EXT1: variants seen among roughly 807,000 people sequenced by gnomAD.
EXT1 encodes the protein exostosin glycosyltransferase 1, also known as exostosin-1.
A neutral mutation model predicts 82.5 loss-of-function variants in EXT1; 20 were observed. The ratio of observed to expected loss-of-function variants is 0.24; its 90% CI spans 0.17 to 0.35. EXT1 has a LOEUF of 0.35. Ranked by LOEUF, EXT1 falls within the 10% of genes least tolerant of loss-of-function variation. The pLI, the probability that EXT1 is intolerant of heterozygous loss-of-function variation, is 1.00. For missense variants in EXT1, 757 were observed against 936.5 expected, an observed-to-expected ratio of 0.81 and a Z score of 2.50; for synonymous variants, 348 against 350.8, an observed-to-expected ratio of 0.99 and a Z score of 0.09.
chr8:118,002,707 T>C lies in EXT1; in HGVS notation c.962+107378A>G, dbSNP rs564398007. Among the ~76,000 whole-genome samples the C allele has an allele frequency of 5.1e-4, 77 of 151,996 alleles. 2 individuals are homozygous for C. In the South Asian group the frequency reaches 0.015, roughly 30 times the overall value. ...CCACCACGCCCCCCTAATTTTTTTG[T>C]ATTTTTAGTAGAGACGGGGTTTCAC... On this transcript the variant is annotated intron_variant, in intron 1 of 10. Transcript: ENST00000378204.
chr8:118,110,016 T>A, intron 1 of EXT1, 69 bp downstream of exon 1: 2 of 1,611,236 alleles, frequency 1.2e-6, no homozygotes, highest in Non-Finnish European at 1.7e-6. Flanking sequence ...ATCCCCCAAC[T>A]TCACACCTGG....
intron 4 of EXT1, among the ~76,000 whole-genome samples, chr8:117,824,037 T>C (rs113964898): frequency 2.2e-4 from 33 of 152,342 alleles, no homozygotes; most frequent in South Asian, 2.1e-3. Flanking sequence ...TCCTGCTTTT[T>C]ATTATTTGTA....
intron 7 of EXT1, among the ~76,000 whole-genome samples, chr8:117,816,645 C>A (rs781308807): frequency 6.6e-6 from 1 of 151,932 alleles, no homozygotes; most frequent in Non-Finnish European, 1.5e-5. Flanking sequence ...ATAAAGCCCA[C>A]GAGAAAGGTA....
intron 1 of EXT1, among the ~76,000 whole-genome samples, chr8:118,094,423 A>G (rs1817573436): frequency 6.6e-6 from 1 of 152,240 alleles, no homozygotes; most frequent in Non-Finnish European, 1.5e-5. Flanking sequence ...AATGAGCTGT[A>G]AACAGGTCAA....
At chr8:117,829,499 G>A (rs1160070059) in intron 4 of EXT1, among the ~76,000 whole-genome samples, 1 of 151,248 alleles carries the variant, frequency 6.6e-6, no homozygotes, top group Admixed American at 6.6e-5. Context: ...GGACTGTGGT[G>A]CCCAGAAAAC....
At chr8:117,877,877 G>A (rs774925770) in intron 1 of EXT1, among the ~76,000 whole-genome samples, 1 of 152,078 alleles carries the variant, frequency 6.6e-6, no homozygotes, top group Admixed American at 6.5e-5. Context: ...CTAAAATTAC[G>A]CAAAGACTAC....
At chr8:117,991,556 T>C (rs530854340) in intron 1 of EXT1, among the ~76,000 whole-genome samples, 1 of 152,204 alleles carries the variant, frequency 6.6e-6, no homozygotes, top group Non-Finnish European at 1.5e-5. Context: ...TTATTTTCCT[T>C]TTTTTATTTT....
chr8:117,991,105 C>T lies in EXT1; in HGVS notation c.962+118980G>A, dbSNP rs1160379131. 4.7e-5 allele frequency among the ~76,000 whole-genome samples: 7 copies of T among 150,526 alleles called. No individual in the cohort carries two copies. In the East Asian group the frequency reaches 9.7e-4, roughly 21 times the overall value. On this transcript the variant is annotated intron_variant, in intron 1 of 10. Coordinates refer to ENST00000378204, the MANE Select transcript of EXT1 (RefSeq NM_000127.3). ...GTTTCAAACTCAGTTCTCCAGACTT[C>T]GATGTCTTTTTTTTTTTTTTAGATG...
intron 7 of EXT1, among the ~76,000 whole-genome samples, chr8:117,813,869 G>A (rs949880511): frequency 6.6e-6 from 1 of 152,020 alleles, no homozygotes; most frequent in Non-Finnish European, 1.5e-5. Context: ...AGCCAGGTGT[G>A]GTGGTGCATG....
chr8:118,000,091 A>G (rs1006434170), intron 1 of EXT1, among the ~76,000 whole-genome samples: 1 of 152,150 alleles, frequency 6.6e-6, no homozygotes, highest in Non-Finnish European at 1.5e-5. Context: ...ATCCAAGCCC[A>G]TGCGAGGTAA....
intron 1 of EXT1, among the ~76,000 whole-genome samples, chr8:118,014,731 G>A (rs959654595): frequency 6.6e-6 from 1 of 152,072 alleles, no homozygotes; most frequent in African/African-American, 2.4e-5. Context: ...GAGCCACCAT[G>A]CCCAGCCAAG....
intron 1 of EXT1, among the ~76,000 whole-genome samples, chr8:118,088,696 TTTC>T (rs1485397610): frequency 6.6e-6 from 1 of 152,034 alleles, no homozygotes; most frequent in African/African-American, 2.4e-5. Flanking sequence ...TTTTTTTTTT[TTTC>T]CTCTGCTTTT....
At chr8:117,979,801 T>C (rs1464434178) in intron 1 of EXT1, among the ~76,000 whole-genome samples, 1 of 152,206 alleles carries the variant, frequency 6.6e-6, no homozygotes, top group Non-Finnish European at 1.5e-5. Flanking sequence ...GAAATATCCA[T>C]ACAAGACAGC....
intron 1 of EXT1, among the ~76,000 whole-genome samples, chr8:118,002,689 G>A (rs988604485): frequency 2.0e-5 from 3 of 151,354 alleles, no homozygotes; most frequent in South Asian, 4.2e-4. Context: ...CCACCACCAC[G>A]CCCCCCTAAT....
intron 1 of EXT1, among the ~76,000 whole-genome samples, chr8:117,863,816 A>G (rs1243361288): frequency 2.0e-5 from 3 of 152,158 alleles, no homozygotes; most frequent in Non-Finnish European, 2.9e-5. Context: ...GAACTAACGT[A>G]GTTCTTTAAG....
intron 5 of EXT1, 91 bp from the exon 6 acceptor site, chr8:117,819,885 G>T: frequency 8.4e-7 from 1 of 1,188,734 alleles, no homozygotes; most frequent in Non-Finnish European, 1.2e-6. Context: ...TCATGCTGGA[G>T]CAAATGTTCC....
intron 1 of EXT1, among the ~76,000 whole-genome samples, chr8:117,945,087 G>A (rs1025416829): frequency 5.3e-5 from 8 of 152,342 alleles, no homozygotes; most frequent in South Asian, 2.1e-4. Context: ...GCGTGAACCC[G>A]GGAAGTGGAG....
chr8:117,836,706 C>T (rs1812193640), intron 2 of EXT1, among the ~76,000 whole-genome samples: 1 of 152,066 alleles, frequency 6.6e-6, no homozygotes, highest in South Asian at 2.1e-4. Flanking sequence ...TGCTGGGGAT[C>T]ATTCTCAAAA....
At chr8:118,042,813 T>A (rs1314184785) in intron 1 of EXT1, among the ~76,000 whole-genome samples, 1 of 152,222 alleles carries the variant, frequency 6.6e-6, no homozygotes, top group East Asian at 1.9e-4. Context: ...TGCCCACCTA[T>A]ACATTCAACA....
Sources: allele counts gnomAD v4.1 joint callset (sites outside exome capture counted in the v4.1 genomes callset), GRCh38; gene constraint gnomAD v4.1.1; transcripts MANE v1.5; gene names NCBI Gene and HGNC (gene_info 2026-07-23, HGNC 2026-07-21).